MOK: variants seen among roughly 807,000 people sequenced by gnomAD.
MOK encodes MOK protein kinase.
In MOK, 59 loss-of-function variants were observed where a neutral mutation model predicts 54.2. The observed-to-expected ratio is 1.09, with a 90% CI of 0.88 to 1.35. The LOEUF is 1.35. Ranked by LOEUF, MOK falls within the 40% of genes most tolerant of loss-of-function variation. The pLI, the probability that MOK is intolerant of heterozygous loss-of-function variation, is 0.00. For synonymous variants in MOK, 210 were observed against 202.7 expected (o/e 1.04, Z -0.31); for missense variants, 517 against 526.2 (o/e 0.98, Z 0.17).
chr14:102,266,445 C>T (rs1368734470), intron 2 of MOK, among the ~76,000 whole-genome samples: 5 of 151,830 alleles, frequency 3.3e-5, no homozygotes, highest in Admixed American at 1.3e-4. Context: ...GCTGGGACCA[C>T]AGGTGCATCC....
downstream of MOK, chr14:102,224,468 T>C (rs1326493633): frequency 2.4e-6 from 1 of 410,644 alleles, no homozygotes; most frequent in Non-Finnish European, 4.8e-6. Flanking sequence ...AGAATGTTTA[T>C]TTATTTTTTT....
chr14:102,251,676 G>T, intron 6 of MOK, 80 bp downstream of exon 6: 2 of 1,126,212 alleles, frequency 1.8e-6, no homozygotes, highest in Non-Finnish European at 2.7e-6. Context: ...AGTTCCTCTG[G>T]TAGGAGGAGA....
intron 1 of MOK, among the ~76,000 whole-genome samples, chr14:102,287,948 C>T (rs1477189555): frequency 2.0e-5 from 3 of 151,552 alleles, no homozygotes; most frequent in Admixed American, 6.6e-5. Context: ...CATTCTCCTG[C>T]CTCAGCCTCC....
In MOK at chr14:102,229,628, A is replaced by T. The variant is rs781162601; in HGVS notation, c.1011T>A (p.Arg337=). ...QKQSLKQEED[R]PKRRGPAYVM... Reference sequence around the variant, plus strand: ...CATAGGCCGGTCCTCGTCTCTTGGGACGGTCCTCCTCTTGCTTTAGGGACT... The same window carrying T: ...CATAGGCCGGTCCTCGTCTCTTGGGTCGGTCCTCCTCTTGCTTTAGGGACT... Residue 337 remains arginine (R), a synonymous_variant, in exon 11 of 12, where the codon CGT becomes CGA. Transcript: ENST00000361847. 6 of 1,613,592 alleles carry T rather than the reference A, an allele frequency of 3.7e-6. No individual in the cohort carries two copies. The highest frequency in any genetic ancestry group is 2.2e-5 in the South Asian group (2 of 91,036).
rs549236805 is a variant in MOK at position 102,295,443 on chromosome 14, T to C, written c.7+9519A>G. Among the ~76,000 whole-genome samples, 5 of 148,694 alleles carry C rather than the reference T, an allele frequency of 3.4e-5. No individual in the cohort carries two copies. In the East Asian group the frequency reaches 7.7e-4, roughly 23 times the overall value. On this transcript the variant is annotated intron_variant, in intron 1 of 11. Transcript: ENST00000361847. ...GTTCAAGTCCAAACATTTTTATTCA[T>C]GTGCTGTTTATAAAGTTCTTAATCA...
chr14:102,233,937 T>G, intron 7 of MOK, 148 bp from the exon 8 acceptor site: 1 of 618,042 alleles, frequency 1.6e-6, no homozygotes, highest in Non-Finnish European at 2.9e-6. Context: ...CTGCTGTTCA[T>G]CTAGCTGCTA....
chr14:102,297,177 G>A (rs1242657316), intron 1 of MOK, among the ~76,000 whole-genome samples: 1 of 152,066 alleles, frequency 6.6e-6, no homozygotes, highest in Non-Finnish European at 1.5e-5. Context: ...CTAACACGGT[G>A]AAACCCCATC....
At position 102,284,943 on chromosome 14, in the gene MOK, C is replaced by G. The variant is rs542765189; in HGVS notation, c.8-1351G>C. Reference sequence around the variant, plus strand: ...CTAAAAATACAAAAAATTAGCCAGGCGTGGTGGCATGCACCTGTAGTCCCG... The same window carrying G: ...CTAAAAATACAAAAAATTAGCCAGGGGTGGTGGCATGCACCTGTAGTCCCG... On this transcript the variant is annotated intron_variant, in intron 1 of 11. Coordinates refer to ENST00000361847, the MANE Select transcript of MOK (RefSeq NM_014226.3). 2.1e-3 allele frequency among the ~76,000 whole-genome samples: 327 copies of G among 152,138 alleles called. 2 individuals carry two copies. Among genetic ancestry groups the G allele is most frequent in the African/African-American group, 7.4e-3 (307 of 41,510 alleles).
downstream of MOK, among the ~76,000 whole-genome samples, chr14:102,221,370 G>A (rs1203320278): frequency 6.6e-6 from 1 of 152,230 alleles, no homozygotes. The surrounding 1 kb of genome is among the most constrained non-coding windows in gnomAD (Gnocchi z 4.8). Flanking sequence ...CTTTCTTAGG[G>A]TGCGCGTGGT....
At chr14:102,282,823 G>C (rs925079156) in intron 2 of MOK, among the ~76,000 whole-genome samples, 1 of 151,928 alleles carries the variant, frequency 6.6e-6, no homozygotes, top group East Asian at 1.9e-4. Context: ...AGGCCAAGGC[G>C]GGCGGATCAC....
intron 2 of MOK, among the ~76,000 whole-genome samples, chr14:102,270,466 G>A (rs1434739279): frequency 6.6e-6 from 1 of 152,086 alleles, no homozygotes; most frequent in African/African-American, 2.4e-5. Flanking sequence ...CAAGCGTGGT[G>A]GCAGGGTGCC....
intron 2 of MOK, among the ~76,000 whole-genome samples, chr14:102,273,164 C>T (rs573137950): frequency 2.7e-5 from 4 of 150,480 alleles, no homozygotes; most frequent in Admixed American, 6.6e-5. Context: ...AGCAAAACTC[C>T]GTCTCAAAAA....
chr14:102,223,164 CAT>C, downstream of MOK: 1 of 236,108 alleles, frequency 4.2e-6, no homozygotes, highest in Non-Finnish European at 8.2e-6. Flanking sequence ...AATTAAATTT[CAT>C]ATATATATAA....
downstream of MOK, chr14:102,224,870 A>G (rs1648160150): frequency 2.2e-6 from 1 of 449,216 alleles, no homozygotes. Flanking sequence ...AATTAGACAC[A>G]TGCAGAGTGA....
intron 7 of MOK, among the ~76,000 whole-genome samples, chr14:102,239,289 TC>T (rs972361584): frequency 3.3e-5 from 5 of 150,518 alleles, no homozygotes; most frequent in African/African-American, 1.2e-4. Flanking sequence ...TGGACTTCCC[TC>T]CTACCCATAG....
At chr14:102,302,920 G>A (rs890140284) in intron 1 of MOK, among the ~76,000 whole-genome samples, 1 of 151,368 alleles carries the variant, frequency 6.6e-6, no homozygotes, top group East Asian at 1.9e-4. Flanking sequence ...CCAACACTTT[G>A]GGAGGCTGAG....
intron 1 of MOK, among the ~76,000 whole-genome samples, chr14:102,285,042 T>TGGGTCTCCC (rs1397771776): frequency 1.4e-5 from 2 of 139,834 alleles, no homozygotes; most frequent in Non-Finnish European, 3.0e-5. Flanking sequence ...AAGATCACAC[T>TGGGTCTCCC]ACTGCACTCC....
intron 4 of MOK, among the ~76,000 whole-genome samples, chr14:102,257,651 T>C (rs942693789): frequency 1.3e-5 from 2 of 152,120 alleles, no homozygotes; most frequent in Non-Finnish European, 2.9e-5. Flanking sequence ...TCAGGGACTG[T>C]TACTGGTCTA....
At chr14:102,217,535 C>G in the MOK span, among the ~76,000 whole-genome samples, 2 of 152,220 alleles carry the variant, frequency 1.3e-5, no homozygotes, top group African/African-American at 4.8e-5. Flanking sequence ...GGTCCACTGC[C>G]CAGCTATAAC....
Sources: allele counts gnomAD v4.1 joint callset (sites outside exome capture counted in the v4.1 genomes callset), GRCh38; gene constraint gnomAD v4.1.1; non-coding constraint Gnocchi (gnomAD v3.1); transcripts MANE v1.5; gene names NCBI Gene and HGNC (gene_info 2026-07-23, HGNC 2026-07-21).